The following PZP variants were observed in gnomAD, a reference collection of about 807,000 sequenced individuals.
PZP encodes the protein pregnancy zone protein.
Under a neutral mutation model 179.8 loss-of-function variants are expected in PZP, and 150 were observed. That is an observed-to-expected ratio of 0.83 (90% CI 0.73 to 0.96). PZP has a LOEUF of 0.96. Among genes scored for constraint, PZP ranks in the 40% least tolerant of loss-of-function variants. The probability of loss-of-function intolerance (pLI) is 0.00; values close to 1 mark genes in which losing one functional copy is unlikely to be tolerated. For missense variants in PZP, 1,689 were observed against 1,764.0 expected, an observed-to-expected ratio of 0.96 and a Z score of 0.76; for synonymous variants, 624 against 652.3, an observed-to-expected ratio of 0.96 and a Z score of 0.66.
At chr12:9,171,100 C>T (rs767206799) in intron 15 of PZP, among the ~76,000 whole-genome samples, 73 of 152,328 alleles carry the variant, frequency 4.8e-4, no homozygotes, top group African/African-American at 1.7e-3. Context: ...TGCATGTGGG[C>T]TGGCAACAAG....
chr12:9,167,103 T>A (rs978825954), intron 17 of PZP: 3 of 152,210 alleles, frequency 2.0e-5, no homozygotes, highest in African/African-American at 7.2e-5. Flanking sequence ...TGGTAACAAT[T>A]TCTATCTCTG....
chr12:9,154,307 G>A (rs761709304), intron 29 of PZP, among the ~76,000 whole-genome samples: 4 of 152,234 alleles, frequency 2.6e-5, no homozygotes, highest in East Asian at 3.9e-4. Flanking sequence ...GATGTGGCTC[G>A]AAATGTCAAT....
chr12:9,176,326 A>G, intron 15 of PZP, among the ~76,000 whole-genome samples: 1 of 152,174 alleles, frequency 6.6e-6, no homozygotes, highest in East Asian at 1.9e-4. Flanking sequence ...GGAGAGCATC[A>G]AGAAGAATAA....
In PZP at chr12:9,192,215, A is replaced by C. The variant is rs1943496864; in HGVS notation, c.1524T>G (p.Thr508=). 6.2e-7 allele frequency: 1 copy of C among 1,613,882 alleles called. No homozygotes were observed. The highest frequency in any genetic ancestry group is 8.5e-7 in the Non-Finnish European group (1 of 1,179,886). The change falls in exon 13 of 36, where the codon ACT becomes ACG. Residue 508 remains threonine (T), a synonymous_variant. Transcript: ENST00000261336. ...KGVIVRSGTH[T]LPVESGDMKG... ...CACTGTCTCCTGACTCCACAGGCAG[A>C]GTGTGGGTTCCAGATCTGACGATGA...
rs755282271 is a variant in PZP at position 9,193,678 on chromosome 12, G to A, written c.1254+399C>T. ...AACAAGCATGAAAACTTTTTAGCTA[G>A]GGAAATCTTTTGATCATCGTCATTA... On this transcript the variant is annotated intron_variant, in intron 11 of 35. Transcript: ENST00000261336. 3.3e-5 allele frequency among the ~76,000 whole-genome samples: 5 copies of A among 152,184 alleles called. No homozygotes were observed. In the East Asian group the frequency reaches 7.7e-4, roughly 23 times the overall value.
chr12:9,169,057 A>T, intron 16 of PZP, 83 bp from the exon 17 acceptor site: 1 of 967,722 alleles, frequency 1.0e-6, no homozygotes, highest in Non-Finnish European at 1.6e-6. Flanking sequence ...TTCTCTATGT[A>T]ATTCCAGTAT....
intron 13 of PZP, among the ~76,000 whole-genome samples, chr12:9,183,976 C>A (rs1832825630): frequency 6.6e-6 from 1 of 152,160 alleles, no homozygotes; most frequent in African/African-American, 2.4e-5. Context: ...ATAAGCTCCC[C>A]TTCTAAAAGG....
At chr12:9,169,400 C>T (rs779060258) in intron 16 of PZP, 30 bp downstream of exon 16, 1 of 1,531,664 alleles carries the variant, frequency 6.5e-7, no homozygotes, top group Admixed American at 2.0e-5. Flanking sequence ...ACTCACAAGC[C>T]AGCATGTTAA....
At chr12:9,154,869 A>G (rs768276471) in intron 28 of PZP, 30 bp from the exon 29 acceptor site, 1 of 1,572,392 alleles carries the variant, frequency 6.4e-7, no homozygotes, top group Non-Finnish European at 8.7e-7. Context: ...AGATAATTGT[A>G]ACTCATCAAT....
At chr12:9,197,496 TA>T (rs891024439) in intron 7 of PZP, among the ~76,000 whole-genome samples, 2 of 128,670 alleles carry the variant, frequency 1.6e-5, no homozygotes, top group Non-Finnish European at 3.1e-5. Flanking sequence ...ATATTATATA[TA>T]AATATATTAT....
rs752861474 is a variant in PZP, at chr12:9,154,826, A to G, written c.3564T>C (p.His1188=). ...CCTTGGGTCTCTGAGGGCGCTCCCA[A>G]TGGACGAGGTTGTCTTAAGGGTGAG... ...KEAVKEDNLV[H]WERPQRPKAP... The change falls in exon 29 of 36, where the codon CAT becomes CAC. Residue 1188 remains histidine, a synonymous_variant. Transcript: ENST00000261336. 5.6e-6 allele frequency: 9 copies of G among 1,613,954 alleles called. No individual in the cohort carries two copies. Among genetic ancestry groups the G allele is most frequent in the South Asian group, 5.5e-5 (5 of 91,046 alleles).
At chr12:9,137,228 AT>A in the PZP span, among the ~76,000 whole-genome samples, 1 of 152,122 alleles carries the variant, frequency 6.6e-6, no homozygotes, top group African/African-American at 2.4e-5. Context: ...TAAACATCAA[AT>A]TTTATTGTTT....
At chr12:9,169,035 A>G in intron 16 of PZP, 61 bp from the exon 17 acceptor site, 1 of 1,235,364 alleles carries the variant, frequency 8.1e-7, no homozygotes, top group South Asian at 1.3e-5. Flanking sequence ...AAAACATATT[A>G]TCCTTAGAGA....
chr12:9,200,813 A>T (rs755984192), intron 6 of PZP, 79 bp downstream of exon 6: 4 of 1,429,820 alleles, frequency 2.8e-6, no homozygotes, highest in Non-Finnish European at 3.8e-6. Context: ...ACATATCTAC[A>T]GGAAATTCAA....
chr12:9,157,374 G>A lies in PZP; in HGVS notation c.3370-19C>T, dbSNP rs1460789587. The stretch of plus-strand genomic sequence containing the variant: ...TAGGGTTCTGTAAAGGCAAAATGTG[G>A]TTGTGTCAAACTAGGGTGAATAGAG... On this transcript the variant is annotated intron_variant, in intron 27 of 35. Transcript: ENST00000261336. 1 of 1,602,662 alleles carries A rather than the reference G, an allele frequency of 6.2e-7. No individual in the cohort carries two copies. Among genetic ancestry groups the A allele is most frequent in the Non-Finnish European group, 8.5e-7 (1 of 1,173,446 alleles).
Position 9,157,220 on chromosome 12 carries a change from T to A in PZP, c.3505A>T (p.Asn1169Tyr). 6.2e-7 allele frequency: 1 copy of A among 1,614,154 alleles called. No individual in the cohort carries two copies. The highest frequency in any genetic ancestry group is 8.5e-7 in the Non-Finnish European group (1 of 1,180,004). Residue 1169 changes from asparagine to tyrosine, a missense_variant, in exon 28 of 36, where the codon AAT becomes TAT. Transcript: ENST00000261336. ...AFSLLGKQNQNREILNSLDKE... is the reference protein window; with the variant it reads ...AFSLLGKQNQYREILNSLDKE... ...TCAAGTGAGTTCAGTATTTCTCTAT[T>A]CTGATTTTGCTTTCCCAGTAGGGAA...
intron 24 of PZP, 87 bp from the exon 25 acceptor site, chr12:9,160,112 G>T: frequency 2.3e-6 from 3 of 1,325,242 alleles, no homozygotes; most frequent in Non-Finnish European, 3.2e-6. Context: ...CAGGCGCCAT[G>T]GACATTTTAT....
chr12:9,169,062 C>T (rs1941795346), intron 16 of PZP, 88 bp from the exon 17 acceptor site: 2 of 921,454 alleles, frequency 2.2e-6, no homozygotes, highest in African/African-American at 1.7e-5. Flanking sequence ...TATGTAATTC[C>T]AGTATCCTTA....
intron 11 of PZP, 45 bp from the exon 12 acceptor site, chr12:9,192,784 T>G (rs150284769): frequency 0.012 from 16,324 of 1,369,752 alleles, 111 homozygotes; most frequent in Non-Finnish European, 0.014. Context: ...CTTGAAATTC[T>G]TCACCTTAGC....
Sources: allele counts gnomAD v4.1 joint callset (sites outside exome capture counted in the v4.1 genomes callset), GRCh38; gene constraint gnomAD v4.1.1; transcripts MANE v1.5; gene names NCBI Gene and HGNC (gene_info 2026-07-23, HGNC 2026-07-21).